The following PITPNC1 variants were observed in gnomAD, a reference collection of about 807,000 sequenced individuals.
The protein encoded by PITPNC1 is phosphatidylinositol transfer protein cytoplasmic 1.
Under a neutral mutation model 44.7 loss-of-function variants are expected in PITPNC1, and 18 were observed. The observed-to-expected ratio is 0.40, with a 90% CI of 0.28 to 0.60. The LOEUF (loss-of-function observed/expected upper bound fraction) is 0.60, where lower values mean the gene tolerates loss of function less well. Among genes scored for constraint, PITPNC1 ranks in the 20% least tolerant of loss-of-function variants. The pLI is 0.39. For missense variants in PITPNC1, 290 were observed against 418.4 expected (o/e 0.69, Z 2.68); for synonymous variants, 141 against 149.6 (o/e 0.94, Z 0.42).
chr17:67,450,587 A>G (rs2039161585), intron 1 of PITPNC1, among the ~76,000 whole-genome samples: 1 of 151,944 alleles, frequency 6.6e-6, no homozygotes, highest in Non-Finnish European at 1.5e-5. Context: ...CACCGTGCCC[A>G]CTAATTTGTT....
At chr17:67,663,201 T>C (rs2042373404) in intron 6 of PITPNC1, among the ~76,000 whole-genome samples, 1 of 152,180 alleles carries the variant, frequency 6.6e-6, no homozygotes, top group Admixed American at 6.5e-5. Flanking sequence ...GGCAAGCCCC[T>C]AAATGGGTGC....
intron 7 of PITPNC1, among the ~76,000 whole-genome samples, chr17:67,672,689 A>T (rs879749067): frequency 7.9e-5 from 12 of 152,032 alleles, no homozygotes; most frequent in Non-Finnish European, 1.3e-4. Context: ...CTCACAGATG[A>T]CTCAGGCTAG....
intron 4 of PITPNC1, among the ~76,000 whole-genome samples, chr17:67,555,091 AT>A (rs549661986): frequency 6.2e-4 from 94 of 152,308 alleles, no homozygotes; most frequent in African/African-American, 2.1e-3. Flanking sequence ...AAAAGAGGCA[AT>A]TTTATGGCAA....
chr17:67,420,405 C>T (rs994873256), intron 1 of PITPNC1, among the ~76,000 whole-genome samples: 12 of 141,298 alleles, frequency 8.5e-5, no homozygotes, highest in Middle Eastern at 3.5e-3. Context: ...CCCTCCCTTC[C>T]TTCCTTCCTT....
chr17:67,501,157 G>A (rs575001496), intron 1 of PITPNC1, among the ~76,000 whole-genome samples: 1 of 152,158 alleles, frequency 6.6e-6, no homozygotes, highest in East Asian at 1.9e-4. Context: ...TTTCTCTATA[G>A]GACCAATGCC....
intron 1 of PITPNC1, among the ~76,000 whole-genome samples, chr17:67,528,331 T>C (rs569578976): frequency 4.6e-5 from 7 of 152,358 alleles, no homozygotes; most frequent in African/African-American, 1.7e-4. Flanking sequence ...CATGAGCCGC[T>C]GCGCCCAGCC....
chr17:67,646,542 C>G (rs1332731859), intron 6 of PITPNC1, among the ~76,000 whole-genome samples: 1 of 152,148 alleles, frequency 6.6e-6, no homozygotes, highest in Non-Finnish European at 1.5e-5. Flanking sequence ...ATAAATTCCA[C>G]CATTTAGAGT....
intron 4 of PITPNC1, among the ~76,000 whole-genome samples, chr17:67,572,733 GGGCT>G (rs1354532473): frequency 1.3e-5 from 2 of 151,492 alleles, no homozygotes; most frequent in Non-Finnish European, 2.9e-5. Context: ...AAGAAATTTC[GGGCT>G]GAGAGTACCA....
chr17:67,454,062 C>T (rs1260956633), intron 1 of PITPNC1, among the ~76,000 whole-genome samples: 1 of 152,080 alleles, frequency 6.6e-6, no homozygotes, highest in Non-Finnish European at 1.5e-5. Context: ...ACCACCCTGG[C>T]CAACATGGTG....
At chr17:67,387,951 G>C (rs2038079483) in intron 1 of PITPNC1, among the ~76,000 whole-genome samples, 2 of 152,154 alleles carry the variant, frequency 1.3e-5, no homozygotes, top group Admixed American at 1.3e-4. Flanking sequence ...GCTCTGCAGT[G>C]CTCAAGGACC....
intron 2 of PITPNC1, among the ~76,000 whole-genome samples, chr17:67,541,498 T>C (rs1300167901): frequency 2.0e-5 from 3 of 150,208 alleles, no homozygotes; most frequent in Non-Finnish European, 4.5e-5. Context: ...CACAATAATT[T>C]AGTGTGTGTG....
intron 7 of PITPNC1, among the ~76,000 whole-genome samples, chr17:67,670,627 A>G (rs1267063127): frequency 6.6e-6 from 1 of 151,290 alleles, no homozygotes; most frequent in Non-Finnish European, 1.5e-5. Context: ...GCACGTGCCT[A>G]TAATCCCAGC....
At chr17:67,686,930 C>T (rs886557222) in intron 8 of PITPNC1, 11 of 619,472 alleles carry the variant, frequency 1.8e-5, no homozygotes, top group Non-Finnish European at 2.9e-5. Context: ...TTATGACTTA[C>T]TCATCATAAA....
At chr17:67,509,559 A>AAAATAAATAAATAAAT (rs569903843) in intron 1 of PITPNC1, among the ~76,000 whole-genome samples, 1 of 146,228 alleles carries the variant, frequency 6.8e-6, no homozygotes, top group Non-Finnish European at 1.5e-5. Context: ...AATTGAATTA[A>AAAATAAATAAATAAAT]AAATAAATAA....
intron 1 of PITPNC1, among the ~76,000 whole-genome samples, chr17:67,395,256 C>A (rs2038200719): frequency 6.6e-6 from 1 of 151,744 alleles, no homozygotes; most frequent in Non-Finnish European, 1.5e-5. Flanking sequence ...TGGGCTCATG[C>A]TATCCTCCTG....
intron 1 of PITPNC1, among the ~76,000 whole-genome samples, chr17:67,488,335 A>G (rs1004658829): frequency 2.6e-5 from 4 of 152,172 alleles, no homozygotes; most frequent in African/African-American, 9.7e-5. Context: ...CCCGGTTGTT[A>G]TATAATGTGA....
chr17:67,395,792 G>GC (rs898501960), intron 1 of PITPNC1, among the ~76,000 whole-genome samples: 9 of 151,948 alleles, frequency 5.9e-5, no homozygotes, highest in Admixed American at 2.0e-4. Context: ...TTTAAATCCT[G>GC]CCCCCCCACC....
intron 1 of PITPNC1, among the ~76,000 whole-genome samples, chr17:67,491,378 A>T (rs2039863046): frequency 6.6e-6 from 1 of 152,314 alleles, no homozygotes; most frequent in African/African-American, 2.4e-5. Context: ...TTTCTGGGTC[A>T]TCTGGGTGCA....
intron 5 of PITPNC1, among the ~76,000 whole-genome samples, chr17:67,625,771 C>T (rs1027673631): frequency 9.2e-5 from 14 of 152,150 alleles, no homozygotes; most frequent in African/African-American, 2.4e-4. Flanking sequence ...AGAGGCCACT[C>T]TTAACACCAC....
Sources: gnomAD v4.1 joint callset for allele counts (sites outside exome capture counted in the v4.1 genomes callset) on GRCh38, gnomAD v4.1.1 for gene constraint, MANE v1.5 for transcripts, NCBI Gene and HGNC (gene_info 2026-07-23, HGNC 2026-07-21) for gene names.